EPS15: variants seen among roughly 807,000 people sequenced by gnomAD.
EPS15 encodes the protein epidermal growth factor receptor substrate 15.
EPS15 carries 72 observed loss-of-function variants against 113.8 expected under a neutral mutation model. The observed-to-expected ratio is 0.63, with a 90% CI of 0.52 to 0.77. EPS15 has a LOEUF of 0.77. Ranked by LOEUF, EPS15 falls within the 30% of genes least tolerant of loss-of-function variation. The pLI, the probability that EPS15 is intolerant of heterozygous loss-of-function variation, is 0.00. For synonymous variants in EPS15, 344 were observed against 363.4 expected, an observed-to-expected ratio of 0.95 and a Z score of 0.61; for missense variants, 1,048 against 1,045.8, an observed-to-expected ratio of 1.00 and a Z score of -0.03.
At chr1:51,448,234 A>C in intron 8 of EPS15, 99 bp from the exon 9 acceptor site, 1 of 650,878 alleles carries the variant, frequency 1.5e-6, no homozygotes, top group Non-Finnish European at 2.5e-6. Context: ...TCAGGCTCTC[A>C]AATCCTTTTT....
chr1:51,392,651 T>C (rs1647500573), intron 21 of EPS15, among the ~76,000 whole-genome samples: 1 of 152,240 alleles, frequency 6.6e-6, no homozygotes, highest in African/African-American at 2.4e-5. Context: ...CCATTCCTTG[T>C]TCACATTGTT....
chr1:51,395,827 A>G (rs186263784), intron 20 of EPS15, among the ~76,000 whole-genome samples: 247 of 152,334 alleles, frequency 1.6e-3, no homozygotes, highest in Non-Finnish European at 1.3e-3. Context: ...AGAGTTTCTG[A>G]ACATTTATAT....
At chr1:51,508,338 G>GAGAGAGAA (rs1553139582) in intron 1 of EPS15, among the ~76,000 whole-genome samples, 3 of 122,248 alleles carry the variant, frequency 2.5e-5, no homozygotes, top group East Asian at 2.3e-4. Flanking sequence ...AAGAGAAAGA[G>GAGAGAGAA]AGAAAGAAAG....
chr1:51,451,012 T>C (rs1653500713), intron 8 of EPS15, among the ~76,000 whole-genome samples: 1 of 151,774 alleles, frequency 6.6e-6, no homozygotes, highest in South Asian at 2.1e-4. Context: ...ATGCAGTTTG[T>C]TGTGGATAGC....
intron 12 of EPS15, among the ~76,000 whole-genome samples, chr1:51,430,149 C>T (rs2148461001): frequency 6.6e-6 from 1 of 152,308 alleles, no homozygotes; most frequent in East Asian, 1.9e-4. Flanking sequence ...CACCCTGACT[C>T]TGCTTATCTT....
chr1:51,424,685 C>T (rs375087410), intron 12 of EPS15, among the ~76,000 whole-genome samples: 1 of 152,212 alleles, frequency 6.6e-6, no homozygotes, highest in African/African-American at 2.4e-5. Flanking sequence ...GGATGGATCA[C>T]TTGAGGTGAG....
rs201900521 is a variant in EPS15 at position 51,439,386 on chromosome 1, A to G, written c.1040+961T>C. ...AAGATCATTGCCAAATTATTGCCAT[A>G]TAAGGCAGTTAACTCATTTAATCTC... On this transcript the variant is annotated intron_variant, in intron 12 of 24. Coordinates refer to ENST00000371733, the MANE Select transcript of EPS15 (RefSeq NM_001981.3). Among the ~76,000 whole-genome samples, 29 of 152,240 alleles carry G rather than the reference A, an allele frequency of 1.9e-4. No homozygotes were observed. In the East Asian group the frequency reaches 5.4e-3, roughly 28 times the overall value.
intron 1 of EPS15, among the ~76,000 whole-genome samples, chr1:51,486,043 C>A (rs1344971739): frequency 1.3e-5 from 2 of 151,866 alleles, no homozygotes; most frequent in African/African-American, 4.8e-5. Flanking sequence ...GGTGATCCAC[C>A]CACCTCAGCC....
chr1:51,359,918 T>C (rs1278826425), intron 24 of EPS15, among the ~76,000 whole-genome samples: 2 of 152,092 alleles, frequency 1.3e-5, no homozygotes, highest in Non-Finnish European at 2.9e-5. Flanking sequence ...CTTTTTTTTT[T>C]TGGAGACAGG....
chr1:51,371,308 A>G (rs751346896), intron 21 of EPS15, among the ~76,000 whole-genome samples: 15 of 152,274 alleles, frequency 9.9e-5, no homozygotes, highest in Non-Finnish European at 7.4e-5. Context: ...ATACCAGAAG[A>G]AGGCATTGTT....
At chr1:51,356,973 C>A in intron 24 of EPS15, 127 bp from the exon 25 acceptor site, 1 of 626,884 alleles carries the variant, frequency 1.6e-6, no homozygotes, top group Non-Finnish European at 2.5e-6. Flanking sequence ...CTTGTTAATT[C>A]TTTTTTTTTT....
chr1:51,360,732 G>C (rs1646364115), intron 24 of EPS15, among the ~76,000 whole-genome samples: 1 of 151,748 alleles, frequency 6.6e-6, no homozygotes, highest in Non-Finnish European at 1.5e-5. Flanking sequence ...TTGCTGACTG[G>C]TCTCCAGAAA....
intron 1 of EPS15, among the ~76,000 whole-genome samples, chr1:51,499,275 T>C (rs1400200965): frequency 6.6e-6 from 1 of 152,232 alleles, no homozygotes; most frequent in Non-Finnish European, 1.5e-5. Context: ...GCTTATTTCA[T>C]TTCAAGTCTT....
At chr1:51,426,553 G>A (rs1257094032) in intron 12 of EPS15, among the ~76,000 whole-genome samples, 1 of 151,264 alleles carries the variant, frequency 6.6e-6, no homozygotes, top group East Asian at 1.9e-4. Flanking sequence ...TACTGTGAAG[G>A]TATTTTTTAG....
intron 1 of EPS15, among the ~76,000 whole-genome samples, chr1:51,512,176 A>G (rs970800174): frequency 2.6e-5 from 4 of 152,144 alleles, no homozygotes; most frequent in Non-Finnish European, 5.9e-5. Context: ...AAATTGGGAA[A>G]CTACAGGAGT....
chr1:51,371,524 A>AAG (rs1646652353), intron 21 of EPS15, among the ~76,000 whole-genome samples: 1 of 82,774 alleles, frequency 1.2e-5, no homozygotes, highest in Admixed American at 1.8e-4. Context: ...AAAAAAAAAG[A>AAG]AAAAAAAAAT....
At chr1:51,368,225 G>A (rs1298125236) in intron 21 of EPS15, among the ~76,000 whole-genome samples, 1 of 152,192 alleles carries the variant, frequency 6.6e-6, no homozygotes, top group African/African-American at 2.4e-5. Context: ...TGTGTAAAGT[G>A]TGCCCGTATC....
intron 1 of EPS15, among the ~76,000 whole-genome samples, chr1:51,508,330 G>GAGAGAA (rs1644551730): frequency 6.0e-5 from 6 of 100,228 alleles, no homozygotes; most frequent in South Asian, 2.9e-4. Context: ...AAGAGAGAAA[G>GAGAGAA]AGAAAGAGAG....
Position 51,402,527 on chromosome 1 carries a change from T to TA in EPS15, c.1792-3dup. 5 of 1,439,026 alleles carry TA rather than the reference T, an allele frequency of 3.5e-6. No homozygotes were observed. The highest frequency in any genetic ancestry group is 4.8e-6 in the Non-Finnish European group (5 of 1,050,010). 89.1% of individuals were successfully genotyped at this position (1,439,026 alleles called of 1,614,324 possible). ...TGAGTCTACATTAAATGGATCTTCC[T>TA]AAAAATAATTTTAAATTAAAATTAT... On this transcript the variant is annotated splice_polypyrimidine_tract_variant and splice_region_variant and intron_variant, in intron 17 of 24. Transcript: ENST00000371733.
Sources: allele counts gnomAD v4.1 joint callset (sites outside exome capture counted in the v4.1 genomes callset), GRCh38; gene constraint gnomAD v4.1.1; transcripts MANE v1.5; gene names NCBI Gene and HGNC (gene_info 2026-07-23, HGNC 2026-07-21).